Variants in HDAC9 observed in about 807,000 individuals in gnomAD.
HDAC9 encodes the protein histone deacetylase 9.
A neutral mutation model predicts 139.4 loss-of-function variants in HDAC9; 41 were observed. The observed-to-expected ratio is 0.29, with a 90% CI of 0.23 to 0.38. The LOEUF (loss-of-function observed/expected upper bound fraction) is 0.38. Among genes scored for constraint, HDAC9 ranks in the 10% least tolerant of loss-of-function variants. HDAC9 has a pLI of 1.00. For missense variants in HDAC9, 1,147 were observed against 1,297.0 expected (o/e 0.88, Z 1.78); for synonymous variants, 517 against 476.2 (o/e 1.09, Z -1.12).
chr7:18,794,268 T>C (rs1269213611), intron 17 of HDAC9, among the ~76,000 whole-genome samples: 2 of 152,164 alleles, frequency 1.3e-5, no homozygotes, highest in Non-Finnish European at 2.9e-5. Flanking sequence ...TTGCGGGGCT[T>C]AGGGAAATAT....
chr7:18,192,502 A>G (rs1790422459), intron 2 of HDAC9, among the ~76,000 whole-genome samples: 2 of 152,142 alleles, frequency 1.3e-5, no homozygotes, highest in African/African-American at 4.8e-5. Context: ...GTGGAGTGGA[A>G]AGGAATCATG....
At chr7:18,272,298 G>A (rs1796402273) in intron 2 of HDAC9, among the ~76,000 whole-genome samples, 2 of 152,232 alleles carry the variant, frequency 1.3e-5, no homozygotes, top group South Asian at 4.1e-4. Context: ...TTTAGACCTT[G>A]TAAGTATAAT....
intron 1 of HDAC9, among the ~76,000 whole-genome samples, chr7:18,090,143 T>G (rs575576377): frequency 2.6e-5 from 4 of 152,316 alleles, no homozygotes; most frequent in African/African-American, 9.6e-5. Flanking sequence ...GTTCTCATTT[T>G]AGGAAGGAGG....
rs570210329 is a variant in HDAC9, at chr7:18,088,627, A to G, written c.-97+1414A>G. Among the ~76,000 whole-genome samples, 26 of 152,318 alleles carry G rather than the reference A, an allele frequency of 1.7e-4. No individual in the cohort carries two copies. In the South Asian group the frequency reaches 4.4e-3, roughly 25 times the overall value. Reference sequence around the variant, plus strand: ...AGAAATCAGCAATCATGTTTAAAAGATATCTTTTGACCTTCTTTTTCGTAC... The same window carrying G: ...AGAAATCAGCAATCATGTTTAAAAGGTATCTTTTGACCTTCTTTTTCGTAC... On this transcript the variant is annotated intron_variant, in intron 1 of 12. Coordinates refer to the HDAC9 transcript ENST00000417496.
intron 17 of HDAC9, among the ~76,000 whole-genome samples, chr7:18,801,116 C>A (rs891059465): frequency 6.6e-6 from 1 of 151,592 alleles, no homozygotes; most frequent in African/African-American, 2.4e-5. Context: ...ATTTGTATTT[C>A]CTTATTACAT....
At chr7:18,671,819 C>A (rs1339974480) in intron 12 of HDAC9, among the ~76,000 whole-genome samples, 2 of 151,972 alleles carry the variant, frequency 1.3e-5, no homozygotes. Flanking sequence ...TGAAGTCATG[C>A]ATTATGTGGC....
intron 1 of HDAC9, among the ~76,000 whole-genome samples, chr7:18,466,963 G>A (rs1260645896): frequency 1.3e-5 from 2 of 151,914 alleles, no homozygotes; most frequent in Non-Finnish European, 2.9e-5. Context: ...TCATTCTTAT[G>A]CTTGACTATT....
chr7:18,097,456 C>G (rs1435132125), intron 1 of HDAC9, among the ~76,000 whole-genome samples: 1 of 123,978 alleles, frequency 8.1e-6, no homozygotes, highest in Non-Finnish European at 1.7e-5. Flanking sequence ...GTTTTATGTA[C>G]ACTTTTACCT....
At chr7:18,806,389 G>T (rs919217390) in intron 17 of HDAC9, among the ~76,000 whole-genome samples, 1 of 152,098 alleles carries the variant, frequency 6.6e-6, no homozygotes, top group African/African-American at 2.4e-5. Context: ...CCTTGTGGTC[G>T]TGAGACTTGG....
intron 1 of HDAC9, among the ~76,000 whole-genome samples, chr7:18,108,385 GT>G (rs1783370261): frequency 6.6e-6 from 1 of 152,102 alleles, no homozygotes. Context: ...ATTTAAGTTA[GT>G]TTTTCTCAAG....
intron 2 of HDAC9, among the ~76,000 whole-genome samples, chr7:18,540,076 G>C (rs1343305274): frequency 7.6e-6 from 1 of 131,172 alleles, no homozygotes; most frequent in East Asian, 2.3e-4. Flanking sequence ...TGGCCAACAT[G>C]TTGAAACCGC....
intron 1 of HDAC9, among the ~76,000 whole-genome samples, chr7:18,435,734 C>T (rs1014970581): frequency 6.6e-6 from 1 of 151,484 alleles, no homozygotes; most frequent in African/African-American, 2.4e-5. Flanking sequence ...CTCATTCATA[C>T]AGACTTCTTA....
At chr7:18,258,965 TTTTTTTTTTTTTTTTTTTTTTTTA>T (rs1455089014) in intron 2 of HDAC9, among the ~76,000 whole-genome samples, 1 of 61,908 alleles carries the variant, frequency 1.6e-5, no homozygotes, top group African/African-American at 1.1e-4. Context: ...TTTTTTTTTT[TTTTTTTTTTTTTTTTTTTTTTTTA>T]AACAGGGTCT....
intron 2 of HDAC9, among the ~76,000 whole-genome samples, chr7:18,244,954 GGACATAACA>G (rs1794420833): frequency 8.2e-6 from 1 of 122,668 alleles, no homozygotes; most frequent in Non-Finnish European, 1.8e-5. Context: ...ATCTGTATAT[GGACATAACA>G]TATATATACA....
intron 1 of HDAC9, among the ~76,000 whole-genome samples, chr7:18,451,099 T>C (rs554168764): frequency 6.6e-6 from 1 of 152,126 alleles, no homozygotes; most frequent in Non-Finnish European, 1.5e-5. Flanking sequence ...TAGGTCAGAA[T>C]GGCCTTGCCC....
chr7:18,874,563 C>G lies in HDAC9; in HGVS notation c.2770C>G (p.Pro924Ala). 6.3e-7 allele frequency: 1 copy of G among 1,593,036 alleles called. No homozygotes were observed. Among genetic ancestry groups the G allele is most frequent in the Admixed American group, 1.7e-5 (1 of 57,444 alleles). The change falls in exon 22 of 26, where the codon CCT becomes GCT. Residue 924 changes from proline to alanine, a missense_variant. This residue lies in a region of HDAC9 where 407 missense variants were observed against 521.5 expected (regional missense o/e 0.78). Coordinates refer to ENST00000686413, the MANE Select transcript of HDAC9 (RefSeq NM_178425.4). The stretch of plus-strand genomic sequence containing the variant: ...ATTTGATGCATTGGAAGGCCACACC[C>G]CTCCTCTAGGAGGGTACAAAGTGAC... Reference protein sequence around the residue: ...AGFDALEGHTPPLGGYKVTAK... With the variant: ...AGFDALEGHTAPLGGYKVTAK...
intron 17 of HDAC9, 56 bp downstream of exon 17, chr7:18,793,508 ATGT>A (rs1397907792): frequency 1.6e-5 from 18 of 1,119,170 alleles, no homozygotes; most frequent in East Asian, 2.6e-5. Context: ...TGAAACAGAG[ATGT>A]TGTTATGTGG....
intron 1 of HDAC9, among the ~76,000 whole-genome samples, chr7:18,423,354 A>T (rs1051007916): frequency 2.0e-5 from 3 of 152,180 alleles, no homozygotes; most frequent in Non-Finnish European, 4.4e-5. Context: ...CAGTAAACCT[A>T]ATTTATTTCT....
chr7:18,140,098 C>T (rs1785782699), intron 1 of HDAC9, among the ~76,000 whole-genome samples: 1 of 152,124 alleles, frequency 6.6e-6, no homozygotes, highest in African/African-American at 2.4e-5. Flanking sequence ...ATGATGAAAG[C>T]CATGGCTAGA....
Sources: allele counts gnomAD v4.1 joint callset (sites outside exome capture counted in the v4.1 genomes callset), GRCh38; gene constraint gnomAD v4.1.1; regional missense constraint gnomAD v4.1.1; transcripts MANE v1.5; gene names NCBI Gene and HGNC (gene_info 2026-07-23, HGNC 2026-07-21).